CNTNAP2: variants seen among roughly 807,000 people sequenced by gnomAD.
CNTNAP2 encodes the protein contactin-associated protein-like 2.
CNTNAP2 carries 98 observed loss-of-function variants against 155.2 expected under a neutral mutation model. That is an observed-to-expected ratio of 0.63 (90% confidence interval 0.54 to 0.75). CNTNAP2 has a LOEUF of 0.75. Ranked by LOEUF, CNTNAP2 falls within the 30% of genes least tolerant of loss-of-function variation. CNTNAP2 has a pLI of 0.00. For missense variants in CNTNAP2, 1,727 were observed against 1,688.1 expected (o/e 1.02, Z -0.40); for synonymous variants, 651 against 631.2 (o/e 1.03, Z -0.47).
chr7:147,390,185 ATTGTTGAC>A (rs1230560636), intron 9 of CNTNAP2, among the ~76,000 whole-genome samples: 1 of 152,214 alleles, frequency 6.6e-6, no homozygotes, highest in African/African-American at 2.4e-5. Context: ...TCTTTAGCTC[ATTGTTGAC>A]TAAGGGAACT....
intron 19 of CNTNAP2, among the ~76,000 whole-genome samples, chr7:148,225,751 G>A (rs567072046): frequency 6.6e-5 from 10 of 152,256 alleles, no homozygotes; most frequent in South Asian, 2.1e-4. Context: ...TGGAGATGGC[G>A]ACAAGTGGTA....
chr7:147,915,186 C>A (rs1228006002), intron 14 of CNTNAP2, among the ~76,000 whole-genome samples: 1 of 152,044 alleles, frequency 6.6e-6, no homozygotes, highest in Non-Finnish European at 1.5e-5. Flanking sequence ...ACAACAAAAC[C>A]AAACAAAGCA....
At chr7:146,459,246 T>C (rs1796602056) in intron 1 of CNTNAP2, among the ~76,000 whole-genome samples, 1 of 152,076 alleles carries the variant, frequency 6.6e-6, no homozygotes, top group Non-Finnish European at 1.5e-5. Flanking sequence ...CCTTCCATGG[T>C]TTTCCAAGAA....
intron 21 of CNTNAP2, among the ~76,000 whole-genome samples, chr7:148,363,463 A>C (rs1402561974): frequency 6.6e-6 from 1 of 152,234 alleles, no homozygotes; most frequent in Non-Finnish European, 1.5e-5. Flanking sequence ...TAGTGGCTGA[A>C]TTAATAAGTG....
intron 14 of CNTNAP2, among the ~76,000 whole-genome samples, chr7:147,958,825 G>C: frequency 6.6e-6 from 1 of 152,068 alleles, no homozygotes; most frequent in Non-Finnish European, 1.5e-5. Flanking sequence ...CAACTCATCA[G>C]TTTGCCTCCC....
At chr7:146,224,315 A>G (rs1346896910) in intron 1 of CNTNAP2, among the ~76,000 whole-genome samples, 4 of 152,248 alleles carry the variant, frequency 2.6e-5, no homozygotes, top group African/African-American at 9.6e-5. Context: ...TTACTCTTAT[A>G]AGATGTTATA....
At chr7:147,592,277 T>A (rs191414310) in intron 12 of CNTNAP2, among the ~76,000 whole-genome samples, 5 of 152,312 alleles carry the variant, frequency 3.3e-5, no homozygotes, top group African/African-American at 9.6e-5. Flanking sequence ...ATTTTGATAC[T>A]CTAAAGCTAA....
rs1043247280 is a variant in CNTNAP2, at chr7:146,813,364, C to G, written c.209-26347C>G. On this transcript the variant is annotated intron_variant, in intron 2 of 23. Transcript: ENST00000361727. The stretch of plus-strand genomic sequence containing the variant: ...GAAGGTTGTGGGAGCCCAACTCTTG[C>G]ATCAATGTGACCTAGATGTGAGACA... Among the ~76,000 whole-genome samples the G allele has an allele frequency of 3.3e-5, 5 of 152,288 alleles. No homozygotes were observed. In the South Asian group the frequency reaches 1.0e-3, roughly 32 times the overall value.
intron 1 of CNTNAP2, among the ~76,000 whole-genome samples, chr7:146,120,764 T>C (rs111263999): frequency 0.015 from 2,337 of 152,238 alleles, 52 homozygotes; most frequent in African/African-American, 0.052. Flanking sequence ...CAAAGAGGCA[T>C]TGTGTTATAA....
intron 13 of CNTNAP2, among the ~76,000 whole-genome samples, chr7:147,641,718 G>A (rs1255022826): frequency 6.6e-6 from 1 of 151,964 alleles, no homozygotes; most frequent in East Asian, 1.9e-4. Context: ...ACAGAGCTCT[G>A]TCATGTGAGG....
intron 3 of CNTNAP2, among the ~76,000 whole-genome samples, chr7:146,998,979 G>T (rs1213493777): frequency 2.6e-5 from 4 of 151,678 alleles, no homozygotes; most frequent in African/African-American, 4.8e-5. Context: ...TTTCATTAGA[G>T]AATTTTTTTA....
intron 1 of CNTNAP2, among the ~76,000 whole-genome samples, chr7:146,656,116 C>T (rs1459635777): frequency 3.3e-5 from 5 of 152,322 alleles, no homozygotes; most frequent in East Asian, 3.9e-4. Context: ...AACCGCAACC[C>T]GGTTAACCAC....
intron 1 of CNTNAP2, among the ~76,000 whole-genome samples, chr7:146,315,443 G>A (rs899449339): frequency 1.3e-5 from 2 of 152,136 alleles, no homozygotes; most frequent in Non-Finnish European, 2.9e-5. Flanking sequence ...TCAGGGTGGG[G>A]TTATGCCTGA....
intron 21 of CNTNAP2, among the ~76,000 whole-genome samples, chr7:148,291,678 A>G (rs1797193321): frequency 1.3e-5 from 2 of 152,190 alleles, no homozygotes; most frequent in Non-Finnish European, 1.5e-5. Context: ...CTTCAGTCCA[A>G]TCAAGTTGAC....
intron 13 of CNTNAP2, among the ~76,000 whole-genome samples, chr7:147,830,560 C>A (rs966990047): frequency 2.0e-5 from 3 of 152,162 alleles, no homozygotes; most frequent in African/African-American, 7.2e-5. Context: ...AAGGGAAAAT[C>A]ATTTCAGCCC....
At chr7:148,340,194 A>G (rs1249732119) in intron 21 of CNTNAP2, among the ~76,000 whole-genome samples, 1 of 152,224 alleles carries the variant, frequency 6.6e-6, no homozygotes, top group Non-Finnish European at 1.5e-5. Context: ...ACTAATCAGT[A>G]ACAATACTAG....
intron 17 of CNTNAP2, among the ~76,000 whole-genome samples, chr7:148,171,548 C>T (rs1386244360): frequency 6.6e-6 from 1 of 152,182 alleles, no homozygotes; most frequent in African/African-American, 2.4e-5. Context: ...AACCTCAGTC[C>T]AACTCTATAA....
intron 10 of CNTNAP2, among the ~76,000 whole-genome samples, chr7:147,443,151 C>T (rs1360543022): frequency 2.0e-5 from 3 of 152,112 alleles, no homozygotes; most frequent in Non-Finnish European, 2.9e-5. Flanking sequence ...GGCCTCAGGG[C>T]ACTTTAGCCA....
intron 4 of CNTNAP2, among the ~76,000 whole-genome samples, chr7:147,080,215 T>C (rs956884269): frequency 6.6e-6 from 1 of 152,174 alleles, no homozygotes; most frequent in African/African-American, 2.4e-5. Flanking sequence ...TCACCATGCC[T>C]GGAGGCAATT....
Sources: gnomAD v4.1 joint callset for allele counts (sites outside exome capture counted in the v4.1 genomes callset) on GRCh38, gnomAD v4.1.1 for gene constraint, MANE v1.5 for transcripts, NCBI Gene and HGNC (gene_info 2026-07-23, HGNC 2026-07-21) for gene names.